HTT: variants seen among roughly 807,000 people sequenced by gnomAD.
HTT encodes the protein huntington disease protein.
Under a neutral mutation model 362.3 loss-of-function variants are expected in HTT, and 104 were observed. That is an observed-to-expected ratio of 0.29 (90% CI 0.24 to 0.34). The LOEUF (loss-of-function observed/expected upper bound fraction) is 0.34. Ranked by LOEUF, HTT falls within the 10% of genes least tolerant of loss-of-function variation. The pLI is 1.00. For missense variants in HTT, 3,301 were observed against 3,928.6 expected (o/e 0.84, Z 4.27); for synonymous variants, 1,577 against 1,548.7 (o/e 1.02, Z -0.43).
chr4:3,113,767 G>C (rs559100525), intron 6 of HTT, among the ~76,000 whole-genome samples: 5 of 152,032 alleles, frequency 3.3e-5, no homozygotes, highest in Admixed American at 2.6e-4. Context: ...TGTGGCTGGG[G>C]GGTGGGGTAG....
rs766861203 is a variant in HTT at position 3,229,053 on chromosome 4, C to G, written c.8109+44C>G. ...TCCCCTCACACCTGCACGTGCCACA[C>G]GCACCACACACGCCACACACCCCAC... On this transcript the variant is annotated intron_variant, in intron 59 of 66. Coordinates refer to ENST00000355072, the MANE Select transcript of HTT (RefSeq NM_001388492.1). 7 of 1,582,548 alleles carry G rather than the reference C, an allele frequency of 4.4e-6. No individual in the cohort carries two copies. In the Admixed American group the frequency reaches 8.5e-5, roughly 19 times the overall value.
chr4:3,189,054 G>A lies in HTT; in HGVS notation c.5329G>A (p.Gly1777Ser), dbSNP rs748248224. Residue 1777 changes from glycine (G) to serine (S), a missense_variant, in exon 40 of 67, where the codon GGC (glycine) becomes AGC (serine). Transcript: ENST00000355072. ...ACATACTTTCTATTGCCAGGAACTA[G>A]GCACACTGCTAATGTGTCTGATCCA... The part of the protein sequence containing the change: ...QQHTFYCQEL[G>S]TLLMCLIHIF... 6.2e-7 allele frequency: 1 copy of A among 1,614,044 alleles called. No individual in the cohort carries two copies. The highest frequency in any genetic ancestry group is 1.3e-5 in the African/African-American group (1 of 74,916).
rs556225532 is a variant in HTT, at chr4:3,228,471, C to G, written c.7849-144C>G. On this transcript the variant is annotated intron_variant, in intron 57 of 66. Transcript: ENST00000355072. This position sits in a 1 kb window ranked among gnomAD's most constrained non-coding sequence, Gnocchi z 4.3. ...CACCCTCTCTGTGGGCTCCCTTGCC[C>G]GTAACCTGGGGTGTCTGAACGACCC... is the stretch of plus-strand genomic sequence containing the variant. 2.3e-6 allele frequency: 2 copies of G among 868,056 alleles called. No homozygotes were observed. The highest frequency in any genetic ancestry group is 3.3e-6 in the Non-Finnish European group (2 of 600,566). The allele number at this position is 868,056 out of a possible 1,614,324, so 53.8% of individuals were successfully genotyped here.
chr4:3,158,677 T>C (rs1717285943), intron 28 of HTT, among the ~76,000 whole-genome samples: 1 of 152,072 alleles, frequency 6.6e-6, no homozygotes, highest in Non-Finnish European at 1.5e-5. Context: ...TTATCAAACG[T>C]ATGTGGCTTA....
At chr4:3,123,156 C>T (rs1309970826) in intron 10 of HTT, 7 of 400,490 alleles carry the variant, frequency 1.7e-5, no homozygotes, top group Non-Finnish European at 3.1e-5. Context: ...ATCAGAATTG[C>T]TTTGTCATAA....
At chr4:3,194,752 C>T (rs963400251) in intron 40 of HTT, among the ~76,000 whole-genome samples, 4 of 152,192 alleles carry the variant, frequency 2.6e-5, no homozygotes, top group African/African-American at 7.2e-5. Flanking sequence ...CCTGTCCTTT[C>T]CAAAGCGTCT....
intron 3 of HTT, 129 bp from the exon 4 acceptor site, chr4:3,103,695 A>C: frequency 1.5e-6 from 1 of 646,782 alleles, no homozygotes; most frequent in Non-Finnish European, 2.8e-6. Flanking sequence ...ATTCTTAATG[A>C]ATATATTCTT....
chr4:3,115,540 C>A, intron 7 of HTT, 95 bp downstream of exon 7: 2 of 1,042,610 alleles, frequency 1.9e-6, no homozygotes, highest in Non-Finnish European at 2.9e-6. Flanking sequence ...AGCTTCTAGA[C>A]CAGGCTATTT....
intron 37 of HTT, among the ~76,000 whole-genome samples, chr4:3,184,103 G>A (rs371172842): frequency 6.6e-5 from 10 of 152,208 alleles, no homozygotes; most frequent in East Asian, 5.8e-4. Flanking sequence ...AGAGAGTTAG[G>A]TGGTGTCTGC....
intron 55 of HTT, 91 bp downstream of exon 55, chr4:3,223,651 C>A: frequency 8.6e-7 from 1 of 1,161,512 alleles, no homozygotes; most frequent in Non-Finnish European, 1.2e-6. Context: ...TCAACCAGGC[C>A]GTTTTCCTTC....
chr4:3,174,299 CAT>C (rs1269533347), intron 31 of HTT, among the ~76,000 whole-genome samples: 6 of 152,198 alleles, frequency 3.9e-5, no homozygotes, highest in South Asian at 4.2e-4. Context: ...GGGTTAATTT[CAT>C]ATATGTTTCT....
At chr4:3,220,567 T>C (rs762276039) in intron 53 of HTT, among the ~76,000 whole-genome samples, 1 of 152,204 alleles carries the variant, frequency 6.6e-6, no homozygotes, top group Non-Finnish European at 1.5e-5. Context: ...GAAAGGTTCA[T>C]GTGTAGTGGA....
At chr4:3,133,815 A>G (rs1413269682) in intron 18 of HTT, among the ~76,000 whole-genome samples, 1 of 152,190 alleles carries the variant, frequency 6.6e-6, no homozygotes, top group Non-Finnish European at 1.5e-5. Flanking sequence ...ATTTCTCTCT[A>G]GTTTCCAGGT....
At chr4:3,156,619 C>CT (rs2110214208) in intron 27 of HTT, among the ~76,000 whole-genome samples, 1 of 152,302 alleles carries the variant, frequency 6.6e-6, no homozygotes, top group South Asian at 2.1e-4. Context: ...GTGCTTGGCA[C>CT]TTTAATATTT....
At chr4:3,194,984 C>T (rs1305140652) in intron 40 of HTT, among the ~76,000 whole-genome samples, 2 of 152,110 alleles carry the variant, frequency 1.3e-5, no homozygotes, top group South Asian at 2.1e-4. Flanking sequence ...AAGTATTTCC[C>T]GCTTTGTGCT....
At chr4:3,207,461 T>A in intron 45 of HTT, 104 bp downstream of exon 45, 2 of 955,810 alleles carry the variant, frequency 2.1e-6, no homozygotes, top group Non-Finnish European at 3.2e-6. Context: ...TCGATGTGCC[T>A]TATAGGTGGG....
intron 20 of HTT, 75 bp from the exon 21 acceptor site, chr4:3,136,151 G>A: frequency 7.3e-6 from 8 of 1,094,858 alleles, no homozygotes; most frequent in Non-Finnish European, 9.6e-6. Context: ...TTTCTCACTA[G>A]CTTTCCAAAA....
At chr4:3,126,628 A>G (rs991306563) in intron 11 of HTT, among the ~76,000 whole-genome samples, 10 of 152,230 alleles carry the variant, frequency 6.6e-5, no homozygotes, top group Non-Finnish European at 1.2e-4. Flanking sequence ...TCCGGATACT[A>G]TAAAGCTCAC....
In HTT at chr4:3,131,410, G is replaced by T; in HGVS notation, c.2098+13G>T. 1 of 1,590,556 alleles carries T rather than the reference G, an allele frequency of 6.3e-7. No homozygotes were observed. Among genetic ancestry groups the T allele is most frequent in the South Asian group, 1.1e-5 (1 of 90,572 alleles). Reference sequence around the variant, plus strand: ...GGGGGAAAAAATGGTGAGTACAAAAGGGGATGTGCACAGTTGAAGGAAATA... The same window carrying T: ...GGGGGAAAAAATGGTGAGTACAAAATGGGATGTGCACAGTTGAAGGAAATA... On this transcript the variant is annotated intron_variant, in intron 15 of 66. Transcript: ENST00000355072.
Sources: allele counts gnomAD v4.1 joint callset (sites outside exome capture counted in the v4.1 genomes callset), GRCh38; gene constraint gnomAD v4.1.1; non-coding constraint Gnocchi (gnomAD v3.1); transcripts MANE v1.5; gene names NCBI Gene and HGNC (gene_info 2026-07-23, HGNC 2026-07-21).